BUD13: variants seen among roughly 807,000 people sequenced by gnomAD.
The protein encoded by BUD13 is BUD13 homolog.
In BUD13, 47 loss-of-function variants were observed where a neutral mutation model predicts 62.5. The ratio of observed to expected loss-of-function variants is 0.75; its 90% CI spans 0.60 to 0.96. The LOEUF is 0.96. Ranked by LOEUF, BUD13 falls within the 40% of genes least tolerant of loss-of-function variation. The pLI is 0.00. For synonymous variants in BUD13, 293 were observed against 280.1 expected (o/e 1.05, Z -0.46); for missense variants, 821 against 790.9 (o/e 1.04, Z -0.46).
intron 2 of BUD13, among the ~76,000 whole-genome samples, chr11:116,766,129 G>A (rs540246093): frequency 6.6e-6 from 1 of 152,306 alleles, no homozygotes; most frequent in East Asian, 1.9e-4. Flanking sequence ...TACCGTATCT[G>A]CCTTCCTATA....
intron 9 of BUD13, among the ~76,000 whole-genome samples, chr11:116,751,369 C>T (rs1372834100): frequency 6.6e-5 from 10 of 152,192 alleles, no homozygotes; most frequent in Admixed American, 6.5e-4. Context: ...TGGCTCACGC[C>T]TGTAATCCCA....
intron 9 of BUD13, among the ~76,000 whole-genome samples, chr11:116,756,132 C>T (rs140852242): frequency 7.2e-5 from 11 of 152,140 alleles, no homozygotes; most frequent in African/African-American, 1.9e-4. Flanking sequence ...TGCTTGAACC[C>T]GGGAAGTGGA....
In BUD13 at chr11:116,758,362, C is replaced by T. The variant is rs922395524; in HGVS notation, c.1406G>A (p.Arg469His). 2.5e-6 allele frequency: 4 copies of T among 1,614,116 alleles called. No individual in the cohort carries two copies. The highest frequency in any genetic ancestry group is 1.7e-5 in the Admixed American group (1 of 60,010). The change falls in exon 7 of 10, where the codon CGT (arginine) becomes CAT (histidine). Residue 469 changes from arginine to histidine, a missense_variant. Physicochemically the swap from Arg to His is conservative, Grantham distance 29 (BLOSUM62 0). Around this residue, in one of 2 missense-constraint regions of BUD13, gnomAD observed 800 missense variants for 739.2 expected, o/e 1.08. Coordinates refer to ENST00000260210, the MANE Select transcript of BUD13 (RefSeq NM_032725.4). ...AETVFRDKSG[R>H]KRNLKLERLE... The stretch of plus-strand genomic sequence containing the variant: ...ACGTTCGAGTTTCAAATTCCTCTTA[C>T]GACCAGACTTATCTCGAAATACGGT...
chr11:116,766,819 A>G (rs1048259830), intron 2 of BUD13, among the ~76,000 whole-genome samples: 3 of 152,322 alleles, frequency 2.0e-5, no homozygotes, highest in Non-Finnish European at 2.9e-5. Flanking sequence ...ATCTGTTTTA[A>G]CCAATGCAGA....
intron 3 of BUD13, among the ~76,000 whole-genome samples, chr11:116,764,615 AC>A (rs1016396529): frequency 1.3e-5 from 2 of 152,154 alleles, no homozygotes; most frequent in Non-Finnish European, 2.9e-5. Flanking sequence ...AGACATGGAG[AC>A]CAAAAGATTC....
At chr11:116,767,590 C>CAA (rs57036085) in intron 2 of BUD13, among the ~76,000 whole-genome samples, 355 of 80,488 alleles carry the variant, frequency 4.4e-3, no homozygotes, top group African/African-American at 7.3e-3. Context: ...GAGACTCCAC[C>CAA]AAAAAAAAAA....
intron 9 of BUD13, among the ~76,000 whole-genome samples, chr11:116,752,390 A>C (rs1419388081): frequency 6.6e-6 from 1 of 152,194 alleles, no homozygotes; most frequent in African/African-American, 2.4e-5. Flanking sequence ...GAATAACAAA[A>C]AGAAAGCAAG....
At chr11:116,764,890 T>C (rs1406225658) in intron 3 of BUD13, among the ~76,000 whole-genome samples, 2 of 152,154 alleles carry the variant, frequency 1.3e-5, no homozygotes, top group Non-Finnish European at 2.9e-5. Flanking sequence ...TAATGCACTA[T>C]AAAACACCAA....
At chr11:116,752,100 C>T (rs1320349136) in intron 9 of BUD13, among the ~76,000 whole-genome samples, 16 of 152,130 alleles carry the variant, frequency 1.1e-4, no homozygotes, top group Admixed American at 1.0e-3. Flanking sequence ...CCCGCCACCA[C>T]GCCCAGCTAA....
chr11:116,772,747 G>A (rs1204832199), intron 1 of BUD13, 75 bp downstream of exon 1: 13 of 1,424,128 alleles, frequency 9.1e-6, no homozygotes, highest in Non-Finnish European at 1.2e-5. Context: ...GGAAGGAACT[G>A]CCGGGCGGCC....
chr11:116,751,025 C>A (rs1940222939), intron 9 of BUD13, among the ~76,000 whole-genome samples: 1 of 152,168 alleles, frequency 6.6e-6, no homozygotes, highest in African/African-American at 2.4e-5. Context: ...TACCAACATC[C>A]CTTAAAACTC....
chr11:116,772,727 C>T, intron 1 of BUD13, 95 bp downstream of exon 1: 1 of 1,391,338 alleles, frequency 7.2e-7, no homozygotes, highest in East Asian at 2.9e-5. Context: ...GCCGAGAGAC[C>T]CGCCAAGAGG....
rs773242351 is a variant in BUD13, at chr11:116,772,910, C to T, written c.55G>A (p.Gly19Arg). 3 of 1,589,842 alleles carry T rather than the reference C, an allele frequency of 1.9e-6. No homozygotes were observed. Among genetic ancestry groups the T allele is most frequent in the African/African-American group, 2.7e-5 (2 of 73,340 alleles). Residue 19 changes from glycine to arginine, a missense_variant, in exon 1 of 10, where the codon GGG (glycine) becomes AGG (arginine). Around this residue, in one of 2 missense-constraint regions of BUD13, gnomAD observed 800 missense variants for 739.2 expected, o/e 1.08. Coordinates refer to ENST00000260210, the MANE Select transcript of BUD13 (RefSeq NM_032725.4). Reference sequence around the variant, plus strand: ...CCCCGGTCGACGCCGGCATCTGCCCCGGACAAGTAACGCTTCAGATACTCG... The same window carrying T: ...CCCCGGTCGACGCCGGCATCTGCCCTGGACAAGTAACGCTTCAGATACTCG... ...KAEYLKRYLS[G>R]ADAGVDRGSE...
chr11:116,763,188 C>T lies in BUD13; in HGVS notation c.401G>A (p.Gly134Asp), dbSNP rs1940469961. 4 of 1,591,230 alleles carry T rather than the reference C, an allele frequency of 2.5e-6. No individual in the cohort carries two copies. The highest frequency in any genetic ancestry group is 3.4e-6 in the Non-Finnish European group (4 of 1,168,598). Residue 134 changes from glycine to aspartate, a missense_variant, in exon 4 of 10, where the codon GGT becomes GAT. This residue lies in a region of BUD13 where 800 missense variants were observed against 739.2 expected (regional missense o/e 1.08). Coordinates refer to ENST00000260210, the MANE Select transcript of BUD13 (RefSeq NM_032725.4). The stretch of plus-strand genomic sequence containing the variant: ...CTTCCTAGGAGATGGATCTGGGGTA[C>T]CATGACGGACCCTCCTAGGAGATGA... ...PDSSPRRVRH[G>D]TPDPSPRKDR...
intron 9 of BUD13, among the ~76,000 whole-genome samples, chr11:116,756,636 G>A (rs1263410040): frequency 6.6e-6 from 1 of 152,202 alleles, no homozygotes; most frequent in Non-Finnish European, 1.5e-5. Flanking sequence ...TATACAAACT[G>A]ACTTTGGATG....
rs767733195 is a variant in BUD13 at position 116,757,176 on chromosome 11, C to T, written c.1736G>A (p.Trp579Ter). 6.2e-7 allele frequency: 1 copy of T among 1,614,160 alleles called. No individual in the cohort carries two copies. The highest frequency in any genetic ancestry group is 8.5e-7 in the Non-Finnish European group (1 of 1,180,018). The stretch of plus-strand genomic sequence containing the variant: ...CACTCCGTCCCAGCGATATCCAGGC[C>T]AGATATTAAATCTGTTGGGAGGAGG... ...PAPPPNRFNI[W>*]PGYRWDGVDR... The change falls in exon 9 of 10, where the codon TGG becomes TAG. Residue 579 changes from tryptophan (W) to a stop codon, truncating the protein, a stop_gained. Transcript: ENST00000260210. LOFTEE classifies it high-confidence loss of function.
At position 116,772,933 on chromosome 11, in the gene BUD13, T is replaced by C; in HGVS notation, c.32A>G (p.Glu11Gly). 1.3e-6 allele frequency: 2 copies of C among 1,583,720 alleles called. No homozygotes were observed. The highest frequency in any genetic ancestry group is 2.4e-5 in the East Asian group (1 of 42,184). The change falls in exon 1 of 10, where the codon GAG (glutamate) becomes GGG (glycine). Residue 11 changes from glutamate (E) to glycine (G), a missense_variant. Transcript: ENST00000260210. ...CCCGGACAAGTAACGCTTCAGATAC[T>C]CGGCCTTGGAAAGCGGCGGAGCTGC... MAAAPPLSKA[E>G]YLKRYLSGAD...
intron 9 of BUD13, among the ~76,000 whole-genome samples, chr11:116,754,426 A>G (rs186343191): frequency 6.6e-6 from 1 of 152,362 alleles, no homozygotes; most frequent in East Asian, 1.9e-4. Context: ...TAGCAGTAAG[A>G]TATCTAGAAA....
intron 4 of BUD13, among the ~76,000 whole-genome samples, chr11:116,761,750 G>A (rs1940435559): frequency 6.6e-6 from 1 of 152,186 alleles, no homozygotes; most frequent in African/African-American, 2.4e-5. Flanking sequence ...AAAAGAGGGA[G>A]TAAAAAATTT....
Sources: gnomAD v4.1 joint callset for allele counts (sites outside exome capture counted in the v4.1 genomes callset) on GRCh38, gnomAD v4.1.1 for gene constraint, gnomAD v4.1.1 regional missense constraint, MANE v1.5 for transcripts, NCBI Gene and HGNC (gene_info 2026-07-23, HGNC 2026-07-21) for gene names.